The following CCDC171 variants were observed in gnomAD, a reference collection of about 807,000 sequenced individuals.
The protein encoded by CCDC171 is coiled-coil domain containing 171, also known as coiled-coil domain-containing protein 171.
CCDC171 carries 177 observed loss-of-function variants against 168.2 expected under a neutral mutation model. That is an observed-to-expected ratio of 1.05 (90% CI 0.93 to 1.19). The LOEUF is 1.19. CCDC171 is among the 50% of genes most tolerant of loss of function. The pLI, the probability that CCDC171 is intolerant of heterozygous loss-of-function variation, is 0.00. For missense variants in CCDC171, 1,991 were observed against 1,539.0 expected, an observed-to-expected ratio of 1.29 and a Z score of -4.91; for synonymous variants, 687 against 540.8, an observed-to-expected ratio of 1.27 and a Z score of -3.75.
chr9:15,784,666 A>G lies in CCDC171; in HGVS notation c.3239A>G (p.Lys1080Arg). 1.2e-6 allele frequency: 2 copies of G among 1,613,088 alleles called. No homozygotes were observed. Among genetic ancestry groups the G allele is most frequent in the South Asian group, 1.1e-5 (1 of 90,950 alleles). Reference protein sequence around the residue: ...LELHSSEEADKNQTLGEAVKS... With the variant: ...LELHSSEEADRNQTLGEAVKS... ...TTGCACTCCAGTGAGGAAGCTGACA[A>G]AAACCAAACTCTTGGAGAAGCTGTT... The change falls in exon 21 of 26, where the codon AAA (lysine) becomes AGA (arginine). Residue 1080 changes from lysine (K) to arginine (R), a missense_variant. Transcript: ENST00000380701.
chr9:15,873,299 AG>A (rs1262332339), intron 23 of CCDC171, among the ~76,000 whole-genome samples: 2 of 152,134 alleles, frequency 1.3e-5, no homozygotes, highest in African/African-American at 2.4e-5. Flanking sequence ...CAGTTTTACA[AG>A]CTTCCCAAGT....
At chr9:15,656,424 T>C (rs1380708434) in intron 7 of CCDC171, among the ~76,000 whole-genome samples, 1 of 152,176 alleles carries the variant, frequency 6.6e-6, no homozygotes, top group Non-Finnish European at 1.5e-5. Context: ...CTCTACAAAG[T>C]CTTGCACACA....
chr9:16,050,518 T>G (rs1309606426), intron 1 of CCDC171, among the ~76,000 whole-genome samples: 3 of 152,254 alleles, frequency 2.0e-5, no homozygotes, highest in African/African-American at 7.2e-5. Flanking sequence ...TCTGCCCCTG[T>G]GCACACAGTG....
At chr9:15,754,723 A>G (rs75689034) in intron 18 of CCDC171, among the ~76,000 whole-genome samples, 2,667 of 152,242 alleles carry the variant, frequency 0.018, 97 homozygotes, top group African/African-American at 0.061. Context: ...CAATTTGTTT[A>G]TATATAAAAT....
chr9:16,012,373 C>G (rs1832892594), intron 3 of CCDC171, among the ~76,000 whole-genome samples: 2 of 152,270 alleles, frequency 1.3e-5, no homozygotes, highest in South Asian at 2.1e-4. Context: ...AACAAATACA[C>G]TCATGAGCTT....
intron 19 of CCDC171, among the ~76,000 whole-genome samples, chr9:15,778,278 C>T (rs1401345173): frequency 8.0e-6 from 1 of 124,722 alleles, no homozygotes; most frequent in African/African-American, 3.1e-5. Context: ...CAGTCTGCCG[C>T]AGTCTGGCCT....
downstream of CCDC171, among the ~76,000 whole-genome samples, chr9:15,974,530 C>A (rs1423420376): frequency 1.3e-5 from 2 of 152,170 alleles, no homozygotes; most frequent in Admixed American, 1.3e-4. Flanking sequence ...TTTCTGTGAT[C>A]TAGAAACACA....
intron 18 of CCDC171, among the ~76,000 whole-genome samples, chr9:15,756,305 G>T (rs2056111987): frequency 6.6e-6 from 1 of 151,854 alleles, no homozygotes; most frequent in South Asian, 2.1e-4. Context: ...AATTAGAAAA[G>T]AATAAAAATA....
intron 7 of CCDC171, among the ~76,000 whole-genome samples, chr9:15,638,473 T>A (rs10810416): frequency 6.6e-5 from 10 of 151,624 alleles, no homozygotes; most frequent in African/African-American, 2.2e-4. Flanking sequence ...TAAGATGGGA[T>A]AATAATAAAG....
Position 15,777,755 on chromosome 9 carries a change from C to G in CCDC171, c.2827C>G (p.Leu943Val), listed in dbSNP as rs1438001246. ...YVEKDSLVQR[L>V]AHGLHKVNTL... ...AGAAAAAGATTCCCTGGTTCAGAGG[C>G]TGGCCCATGGACTTCATAAAGTAAA... The change falls in exon 19 of 26, where the codon CTG becomes GTG. Residue 943 changes from leucine (L) to valine (V), a missense_variant. Coordinates refer to ENST00000380701, the MANE Select transcript of CCDC171 (RefSeq NM_173550.4). 23 of 1,613,932 alleles carry G rather than the reference C, an allele frequency of 1.4e-5. No homozygotes were observed. The highest frequency in any genetic ancestry group is 1.9e-5 in the Non-Finnish European group (23 of 1,179,978).
At chr9:15,597,108 T>C in intron 6 of CCDC171, among the ~76,000 whole-genome samples, 1 of 152,054 alleles carries the variant, frequency 6.6e-6, no homozygotes, top group East Asian at 1.9e-4. Flanking sequence ...CAATTTGACT[T>C]CCTCTTTTCC....
chr9:15,843,757 G>C (rs2060783390), intron 21 of CCDC171, among the ~76,000 whole-genome samples: 1 of 152,058 alleles, frequency 6.6e-6, no homozygotes. Flanking sequence ...ATGTACTGTT[G>C]CTTAAAGGCC....
At position 15,965,003 on chromosome 9, in the gene CCDC171, T is replaced by A. The variant is rs186001101; in HGVS notation, c.3754-6606T>A. 2.0e-5 allele frequency among the ~76,000 whole-genome samples: 3 copies of A among 152,290 alleles called. No homozygotes were observed. In the East Asian group the frequency reaches 5.8e-4, roughly 29 times the overall value. On this transcript the variant is annotated intron_variant, in intron 25 of 25. Coordinates refer to ENST00000380701, the MANE Select transcript of CCDC171 (RefSeq NM_173550.4). ...GTCTCAAACTCGTGACTTCAGGTGA[T>A]CTTCCAGCCTCGGCCTCCCAAAGTG...
At chr9:16,098,003 G>C in the CCDC171 span, among the ~76,000 whole-genome samples, 50,932 of 152,094 alleles carry the variant, frequency 0.33, 8,751 homozygotes, top group Non-Finnish European at 0.36. Context: ...AGTGCCTACT[G>C]TGAGAAATAA....
At chr9:15,989,092 G>A (rs1185689863) in intron 3 of CCDC171, among the ~76,000 whole-genome samples, 1 of 152,184 alleles carries the variant, frequency 6.6e-6, no homozygotes, top group East Asian at 1.9e-4. Context: ...GGTTCTCCCA[G>A]CATGGAGTTT....
intron 7 of CCDC171, among the ~76,000 whole-genome samples, chr9:15,648,389 T>G (rs995840081): frequency 6.6e-6 from 1 of 152,176 alleles, no homozygotes; most frequent in Non-Finnish European, 1.5e-5. Flanking sequence ...TGTTGGAAGT[T>G]CTGGCCAGGG....
chr9:16,050,470 G>T (rs1262307498), intron 1 of CCDC171, among the ~76,000 whole-genome samples: 1 of 152,056 alleles, frequency 6.6e-6, no homozygotes, highest in African/African-American at 2.4e-5. Flanking sequence ...AACAATACAA[G>T]AACTCTCTCC....
At chr9:15,986,983 C>A (rs1294167880) in intron 3 of CCDC171, among the ~76,000 whole-genome samples, 3 of 151,772 alleles carry the variant, frequency 2.0e-5, no homozygotes, top group South Asian at 4.2e-4. Context: ...GAAATAAACT[C>A]CAGAAAATAA....
At chr9:15,853,084 T>C (rs913863333) in intron 23 of CCDC171, among the ~76,000 whole-genome samples, 8 of 151,606 alleles carry the variant, frequency 5.3e-5, no homozygotes, top group African/African-American at 1.7e-4. Flanking sequence ...ATGTGAATTT[T>C]GGGATCAGCT....
Sources: gnomAD v4.1 joint callset for allele counts (sites outside exome capture counted in the v4.1 genomes callset) on GRCh38, gnomAD v4.1.1 for gene constraint, MANE v1.5 for transcripts, NCBI Gene and HGNC (gene_info 2026-07-23, HGNC 2026-07-21) for gene names.